PCDH19: variants seen among roughly 807,000 people sequenced by gnomAD.
PCDH19 encodes protocadherin-19.
PCDH19 carries 6 observed loss-of-function variants against 46.2 expected under a neutral mutation model. That is an observed-to-expected ratio of 0.13 (90% CI 0.07 to 0.26). The LOEUF is 0.26. PCDH19 is among the 10% of genes least tolerant of loss of function. The pLI, the probability that PCDH19 is intolerant of heterozygous loss-of-function variation, is 1.00. For synonymous variants in PCDH19, 481 were observed against 415.7 expected (o/e 1.16, Z -1.91); for missense variants, 740 against 972.3 (o/e 0.76, Z 3.18).
chrX:100,301,375 C>T (rs764947169), intron 5 of PCDH19, among the ~76,000 whole-genome samples: 7 of 111,899 alleles, frequency 6.3e-5, no homozygotes, highest in African/African-American at 1.9e-4. Context: ...TGATCACAGA[C>T]GAAAATCCAG....
In PCDH19 at chrX:100,407,662, G is replaced by A. The variant is rs1314186595; in HGVS notation, c.936C>T (p.Tyr312=). 1.7e-6 allele frequency: 2 copies of A among 1,212,086 alleles called. No homozygotes were observed. Residue 312 remains tyrosine, a synonymous_variant, in exon 1 of 6, where the codon TAC becomes TAT. Coordinates refer to ENST00000373034, the MANE Select transcript of PCDH19 (RefSeq NM_001184880.2). ...GALDYEEGHV[Y]ELDVQAKDLG... is the part of the protein sequence containing the mutation. ...AGTCCTTAGCCTGCACGTCCAGTTC[G>A]TACACGTGCCCCTCTTCGTAGTCTA... is the stretch of plus-strand genomic sequence containing the variant.
chrX:100,305,289 A>T (rs1239756177), intron 5 of PCDH19, among the ~76,000 whole-genome samples: 2 of 89,094 alleles, frequency 2.2e-5, no homozygotes, highest in Non-Finnish European at 5.0e-5. Context: ...TAAATGAAAC[A>T]ATTATCAGCC....
intron 4 of PCDH19, among the ~76,000 whole-genome samples, chrX:100,348,596 C>T (rs1926480885): frequency 9.0e-6 from 1 of 111,527 alleles, no homozygotes; most frequent in South Asian, 3.8e-4. Flanking sequence ...GAAGAAAAAG[C>T]TATCTTTGAT....
intron 3 of PCDH19, among the ~76,000 whole-genome samples, chrX:100,354,129 G>A (rs761715744): frequency 4.3e-4 from 48 of 111,488 alleles, no homozygotes; most frequent in Non-Finnish European, 8.1e-4. Context: ...TTATATTATG[G>A]GTCTATGTAT....
chrX:100,306,479 A>G (rs942220993), intron 5 of PCDH19, among the ~76,000 whole-genome samples: 2 of 111,703 alleles, frequency 1.8e-5, no homozygotes, highest in Admixed American at 1.9e-4. Flanking sequence ...GCAAAAATAG[A>G]CAATCTAAGG....
Position 100,296,461 on chromosome X carries a change from G to A in PCDH19, c.3263C>T (p.Ala1088Val), listed in dbSNP as rs775914262. 6.6e-6 allele frequency: 8 copies of A among 1,211,552 alleles called. No homozygotes were observed. Among genetic ancestry groups the A allele is most frequent in the Non-Finnish European group, 8.9e-6 (8 of 895,442 alleles). ...KPSVSYTIAL[A>V]PPARDLEQYV... ...CTGCTCCAGATCACGGGCTGGGGGA[G>A]CCAGGGCAATGGTGTAAGACACGGA... The change falls in exon 6 of 6, where the codon GCT becomes GTT. Residue 1088 changes from alanine (A) to valine (V), a missense_variant. Transcript: ENST00000373034.
At chrX:100,400,788 A>G (rs145510125) in intron 3 of PCDH19, among the ~76,000 whole-genome samples, 4,167 of 112,365 alleles carry the variant, frequency 0.037, 191 homozygotes, top group African/African-American at 0.13. Context: ...TAGAAGAAGC[A>G]ATCAATGTAA....
At chrX:100,382,867 C>T (rs771780821) in intron 3 of PCDH19, among the ~76,000 whole-genome samples, 8 of 111,760 alleles carry the variant, frequency 7.2e-5, no homozygotes, top group Admixed American at 2.8e-4. Context: ...AGATGGGTGT[C>T]ACAGTAAGGA....
intron 3 of PCDH19, among the ~76,000 whole-genome samples, chrX:100,365,847 T>G (rs1446062193): frequency 8.9e-6 from 1 of 112,148 alleles, no homozygotes; most frequent in Non-Finnish European, 1.9e-5. Flanking sequence ...TCTTCTGACA[T>G]TCTCTCTACT....
rs1327141854 is a variant in PCDH19 at position 100,296,678 on chromosome X, C to T, written c.3046G>A (p.Ala1016Thr). 8.3e-7 allele frequency: 1 copy of T among 1,211,258 alleles called. No homozygotes were observed. Residue 1016 changes from alanine (A) to threonine (T), a missense_variant, in exon 6 of 6, where the codon GCA (alanine) becomes ACA (threonine). By Grantham distance (58) the Ala-to-Thr change is moderately conservative. This residue lies in a region of PCDH19 where 416 missense variants were observed against 476.8 expected (regional missense o/e 0.87). Transcript: ENST00000373034. ...TCGCTGACATCTTTCCCAAAGGTTGCGAAAGTCCGTTTGGTGGGGCCGCAG... is the reference window on the plus strand; with the variant it reads ...TCGCTGACATCTTTCCCAAAGGTTGTGAAAGTCCGTTTGGTGGGGCCGCAG... ...DDCGPTKRTF[A>T]TFGKDVSDHP...
rs6620858 is a variant in PCDH19, at chrX:100,293,822, G to A, written c.*2455C>T. On this transcript the variant is annotated 3_prime_UTR_variant, in exon 6 of 6. Transcript: ENST00000373034. ...ATGAAAAGAAATGAAGAAAACCCAA[G>A]AGAAAAGCAAAATCAATGCCAATGC... is the stretch of plus-strand genomic sequence containing the variant. 9.0e-6 allele frequency: 1 copy of A among 111,355 alleles called. No individual in the cohort carries two copies. The highest frequency in any genetic ancestry group is 3.3e-5 in the African/African-American group (1 of 30,602). The allele number at this position is 111,355 out of a possible 1,213,427, so 9.2% of individuals were successfully genotyped here.
At chrX:100,398,811 C>T (rs1411142871) in intron 3 of PCDH19, among the ~76,000 whole-genome samples, 3 of 111,828 alleles carry the variant, frequency 2.7e-5, no homozygotes, top group Non-Finnish European at 5.6e-5. Context: ...TGAGTGGACT[C>T]GTCTATAATC....
At chrX:100,340,698 G>A (rs1926228920) in intron 5 of PCDH19, among the ~76,000 whole-genome samples, 1 of 111,723 alleles carries the variant, frequency 9.0e-6, no homozygotes, top group Non-Finnish European at 1.9e-5. Flanking sequence ...GGGTCTGCTG[G>A]GGAGGGAATG....
intron 5 of PCDH19, among the ~76,000 whole-genome samples, chrX:100,322,514 ATTTG>A (rs975030029): frequency 9.1e-6 from 1 of 109,338 alleles, no homozygotes; most frequent in Non-Finnish European, 1.9e-5. Context: ...ATTCCTCCAG[ATTTG>A]TTTTTTTGTT....
chrX:100,300,391 A>G (rs1161572559), intron 5 of PCDH19, among the ~76,000 whole-genome samples: 3 of 112,226 alleles, frequency 2.7e-5, no homozygotes, highest in Admixed American at 9.4e-5. Context: ...ACCATTTTGT[A>G]GCATCACAAA....
intron 5 of PCDH19, among the ~76,000 whole-genome samples, chrX:100,329,455 A>C: frequency 8.9e-6 from 1 of 112,236 alleles, no homozygotes; most frequent in Middle Eastern, 4.6e-3. Flanking sequence ...GTCAAGCAAA[A>C]GAATTTGCAC....
At chrX:100,299,870 C>G (rs1370979762) in intron 5 of PCDH19, among the ~76,000 whole-genome samples, 2 of 112,249 alleles carry the variant, frequency 1.8e-5, no homozygotes, top group Non-Finnish European at 3.8e-5. Flanking sequence ...CAAGTGAAGA[C>G]TTGAATCTAA....
At chrX:100,392,648 A>C (rs1314622739) in intron 3 of PCDH19, among the ~76,000 whole-genome samples, 1 of 111,666 alleles carries the variant, frequency 9.0e-6, no homozygotes, top group Non-Finnish European at 1.9e-5. Flanking sequence ...TGCCAGTCTT[A>C]TGAGTGCAGT....
At chrX:100,372,844 A>G (rs1179265309) in intron 3 of PCDH19, among the ~76,000 whole-genome samples, 5 of 112,147 alleles carry the variant, frequency 4.5e-5, no homozygotes, top group Non-Finnish European at 9.4e-5. Context: ...TAACTTTCAT[A>G]TAATTTAGTT....
Sources: gnomAD v4.1 joint callset for allele counts (sites outside exome capture counted in the v4.1 genomes callset) on GRCh38, gnomAD v4.1.1 for gene constraint, gnomAD v4.1.1 regional missense constraint, MANE v1.5 for transcripts, NCBI Gene and HGNC (gene_info 2026-07-23, HGNC 2026-07-21) for gene names.